Variants in NDUFAF6 observed in about 807,000 individuals in gnomAD.
The protein encoded by NDUFAF6 is NADH:ubiquinone oxidoreductase complex assembly factor 6.
A neutral mutation model predicts 40.8 loss-of-function variants in NDUFAF6; 45 were observed. That is an observed-to-expected ratio of 1.10 (90% CI 0.87 to 1.42). The LOEUF is 1.42. NDUFAF6 is among the 40% of genes most tolerant of loss of function. NDUFAF6 has a pLI of 0.00. For synonymous variants in NDUFAF6, 185 were observed against 155.9 expected (o/e 1.19, Z -1.39); for missense variants, 435 against 418.5 (o/e 1.04, Z -0.34).
At chr8:95,077,461 T>C (rs991022721), downstream of NDUFAF6, among the ~76,000 whole-genome samples, 1 of 152,180 alleles carries the variant, frequency 6.6e-6, no homozygotes, top group African/African-American at 2.4e-5. Context: ...GACTAAGGGA[T>C]AGGAACGTCT....
At chr8:95,007,912 CG>C (rs1554658657) in intron 2 of NDUFAF6, among the ~76,000 whole-genome samples, 1 of 151,766 alleles carries the variant, frequency 6.6e-6, no homozygotes, top group South Asian at 2.1e-4. Context: ...TTTGTAGAGA[CG>C]GGGTCTCACT....
chr8:95,002,337 C>T (rs545643049), intron 2 of NDUFAF6, among the ~76,000 whole-genome samples: 3 of 152,318 alleles, frequency 2.0e-5, no homozygotes, highest in South Asian at 2.1e-4. Flanking sequence ...GTTGAACAAG[C>T]GCTGTGAGCC....
downstream of NDUFAF6, among the ~76,000 whole-genome samples, chr8:95,108,050 A>G (rs540005309): frequency 9.8e-5 from 15 of 152,362 alleles, 1 homozygote; most frequent in African/African-American, 3.6e-4. Flanking sequence ...AACAACGACA[A>G]AAAACCAGTA....
chr8:94,919,071 A>C (rs1439722113), intron 1 of NDUFAF6, among the ~76,000 whole-genome samples: 1 of 152,216 alleles, frequency 6.6e-6, no homozygotes, highest in African/African-American at 2.4e-5. Context: ...TATCTTTTGA[A>C]ATACATGTTA....
At chr8:94,928,605 G>C (rs1820104590) in intron 1 of NDUFAF6, 1 of 152,390 alleles carries the variant, frequency 6.6e-6, no homozygotes, top group African/African-American at 2.4e-5. Flanking sequence ...AAACGGAAGG[G>C]GCAATAAGGA....
chr8:94,972,291 G>T (rs1824532537), intron 1 of NDUFAF6, among the ~76,000 whole-genome samples: 1 of 152,122 alleles, frequency 6.6e-6, no homozygotes, highest in Non-Finnish European at 1.5e-5. Context: ...GCAAAGGCTG[G>T]ATTGCAGTGG....
chr8:95,027,638 C>T (rs1269093108), intron 1 of NDUFAF6, among the ~76,000 whole-genome samples: 1 of 151,348 alleles, frequency 6.6e-6, no homozygotes, highest in Admixed American at 6.6e-5. Flanking sequence ...TTACTCTTAC[C>T]TTATAGCCTG....
At chr8:94,903,876 C>T (rs548217059) in intron 1 of NDUFAF6, among the ~76,000 whole-genome samples, 1 of 152,270 alleles carries the variant, frequency 6.6e-6, no homozygotes, top group Non-Finnish European at 1.5e-5. Context: ...TAGGCTGAAC[C>T]AGGATGTGTG....
chr8:95,047,507 T>C (rs2131903516), intron 6 of NDUFAF6, among the ~76,000 whole-genome samples: 1 of 148,796 alleles, frequency 6.7e-6, no homozygotes, highest in African/African-American at 2.5e-5. Flanking sequence ...TCTTTTCTTT[T>C]CTTTTTTTTT....
intron 9 of NDUFAF6, among the ~76,000 whole-genome samples, chr8:95,066,012 T>TTTGAA (rs1278010816): frequency 2.0e-5 from 3 of 152,248 alleles, no homozygotes; most frequent in Admixed American, 6.5e-5. Flanking sequence ...GTGTGAAGTA[T>TTTGAA]GCATCCACAG....
intron 1 of NDUFAF6, among the ~76,000 whole-genome samples, chr8:94,976,287 C>T (rs1480239777): frequency 6.6e-6 from 1 of 151,736 alleles, no homozygotes; most frequent in African/African-American, 2.4e-5. Flanking sequence ...AGGCGGATCA[C>T]GAGGTCAGGA....
chr8:94,910,266 C>T (rs561168351), intron 1 of NDUFAF6, among the ~76,000 whole-genome samples: 1 of 152,048 alleles, frequency 6.6e-6, no homozygotes, highest in South Asian at 2.1e-4. Flanking sequence ...AATTCTCATA[C>T]GTCAGCCTCC....
chr8:95,045,685 T>A, intron 5 of NDUFAF6, 38 bp downstream of exon 5: 1 of 1,500,302 alleles, frequency 6.7e-7, no homozygotes, highest in Non-Finnish European at 9.3e-7. Flanking sequence ...TTTTTTCCAA[T>A]AAAATACCTA....
downstream of NDUFAF6, among the ~76,000 whole-genome samples, chr8:95,105,992 T>A (rs1809832550): frequency 6.6e-6 from 1 of 151,650 alleles, no homozygotes; most frequent in Non-Finnish European, 1.5e-5. Context: ...AATATGTGTA[T>A]GGACCAGGTG....
At position 95,041,588 on chromosome 8, in the gene NDUFAF6, C is replaced by A; in HGVS notation, c.439C>A (p.Leu147Met). The A allele has an allele frequency of 6.2e-7, 1 of 1,611,772 alleles. No individual in the cohort carries two copies. Among genetic ancestry groups the A allele is most frequent in the South Asian group, 1.1e-5 (1 of 91,024 alleles). Residue 147 changes from leucine (L) to methionine (M), a missense_variant, in exon 4 of 9, where the codon CTG (leucine) becomes ATG (methionine). Physicochemically the swap from Leu to Met is conservative, Grantham distance 15. Coordinates refer to ENST00000396124, the MANE Select transcript of NDUFAF6 (RefSeq NM_152416.4). ...TTTTTAGGCTGTTAAAAGACATAAT[C>A]TGACTAAAAGATGGCTTATGAAAAT... ...ELWKAVKRHN[L>M]TKRWLMKIVD...
chr8:95,069,631 T>A (rs1832786430), intron 9 of NDUFAF6, among the ~76,000 whole-genome samples: 2 of 150,472 alleles, frequency 1.3e-5, no homozygotes, highest in South Asian at 4.2e-4. Context: ...AATACAAAAA[T>A]TAGTTGGGCA....
exon 1 of NDUFAF6, chr8:94,895,918 G>A: frequency 6.5e-6 from 1 of 153,276 alleles, no homozygotes; most frequent in Non-Finnish European, 1.4e-5. Context: ...TTTCCAGCCC[G>A]CCCACCCAGG....
chr8:95,112,052 G>A (rs532456759), intron 4 of NDUFAF6, among the ~76,000 whole-genome samples: 1 of 152,012 alleles, frequency 6.6e-6, no homozygotes, highest in African/African-American at 2.4e-5. Flanking sequence ...CAACTATGGC[G>A]GACAGAATAA....
chr8:94,962,016 T>A (rs1043174295), intron 1 of NDUFAF6, among the ~76,000 whole-genome samples: 7 of 152,214 alleles, frequency 4.6e-5, no homozygotes, highest in African/African-American at 1.7e-4. Context: ...CACTTTGTCC[T>A]TTGCCTTCCC....
Sources: allele counts gnomAD v4.1 joint callset (sites outside exome capture counted in the v4.1 genomes callset), GRCh38; gene constraint gnomAD v4.1.1; transcripts MANE v1.5; gene names NCBI Gene and HGNC (gene_info 2026-07-23, HGNC 2026-07-21).